DLG2: variants seen among roughly 807,000 people sequenced by gnomAD.
DLG2 encodes disks large homolog 2.
Under a neutral mutation model 132.5 loss-of-function variants are expected in DLG2, and 45 were observed. That is an observed-to-expected ratio of 0.34 (90% confidence interval 0.27 to 0.44). The LOEUF is 0.44. Among genes scored for constraint, DLG2 ranks in the 20% least tolerant of loss-of-function variants. The pLI is 1.00. For synonymous variants in DLG2, 424 were observed against 419.6 expected (o/e 1.01, Z -0.13); for missense variants, 1,045 against 1,196.9 (o/e 0.87, Z 1.87).
Position 83,581,948 on chromosome 11 carries a change from C to CTTTTTTTTT in DLG2, c.1941-40099_1941-40091dup, listed in dbSNP as rs71849863. Among the ~76,000 whole-genome samples the CTTTTTTTTT allele has an allele frequency of 2.0e-3, 107 of 52,642 alleles. 13 individuals are homozygous for CTTTTTTTTT. The highest frequency in any genetic ancestry group is 3.5e-3 in the Admixed American group (10 of 2,828). The allele number at this position is 52,642 out of a possible 152,430, so 34.5% of individuals were successfully genotyped here. On this transcript the variant is annotated intron_variant, in intron 19 of 27. Transcript: ENST00000376104. The stretch of plus-strand genomic sequence containing the variant: ...GAATTTAGAATTCTGAGTTTGGACT[C>CTTTTTTTTT]TTTTTTTTTTTTTTTTTTTTTTTTT...
At chr11:84,970,114 C>A (rs1050782139) in intron 6 of DLG2, among the ~76,000 whole-genome samples, 2 of 151,930 alleles carry the variant, frequency 1.3e-5, no homozygotes, top group Non-Finnish European at 2.9e-5. Flanking sequence ...CGTGTATACC[C>A]ATGTAACAAA....
chr11:85,282,929 C>G (rs1304978918), intron 4 of DLG2, among the ~76,000 whole-genome samples: 2 of 151,902 alleles, frequency 1.3e-5, no homozygotes, highest in South Asian at 2.1e-4. Context: ...AGATCATGCC[C>G]TTTGCAGGAA....
intron 11 of DLG2, among the ~76,000 whole-genome samples, chr11:84,018,342 A>T (rs1325346669): frequency 6.6e-6 from 1 of 152,010 alleles, no homozygotes; most frequent in African/African-American, 2.4e-5. Context: ...TTTCAAGATG[A>T]CAAGGAAACA....
chr11:84,944,889 C>T (rs2050000663), intron 6 of DLG2, among the ~76,000 whole-genome samples: 1 of 152,182 alleles, frequency 6.6e-6, no homozygotes, highest in Non-Finnish European at 1.5e-5. Context: ...CGGCGTGAGC[C>T]ATCGTGCCCG....
At chr11:84,579,221 GTCTT>G (rs1213134273) in intron 6 of DLG2, among the ~76,000 whole-genome samples, 1 of 151,572 alleles carries the variant, frequency 6.6e-6, no homozygotes, top group East Asian at 1.9e-4. Flanking sequence ...GTGTGTGTGT[GTCTT>G]TCTTTTCTAC....
intron 8 of DLG2, among the ~76,000 whole-genome samples, chr11:84,234,981 A>T (rs1490867510): frequency 6.6e-6 from 1 of 152,206 alleles, no homozygotes; most frequent in Admixed American, 6.5e-5. Flanking sequence ...AAACATTTAC[A>T]ATCTATTATT....
intron 6 of DLG2, among the ~76,000 whole-genome samples, chr11:85,093,275 A>G (rs2069122942): frequency 6.6e-6 from 1 of 151,238 alleles, no homozygotes; most frequent in Admixed American, 6.6e-5. Flanking sequence ...GGCAGAAGTC[A>G]TACACAATTC....
At chr11:85,509,126 G>A (rs1318410097) in intron 3 of DLG2, among the ~76,000 whole-genome samples, 4 of 151,902 alleles carry the variant, frequency 2.6e-5, no homozygotes, top group African/African-American at 7.3e-5. Context: ...AGAAAATTTC[G>A]CAGTGAGTTT....
intron 3 of DLG2, among the ~76,000 whole-genome samples, chr11:85,292,654 A>G (rs558522193): frequency 4.9e-4 from 18 of 36,546 alleles, no homozygotes; most frequent in South Asian, 1.2e-3. Flanking sequence ...GGAAGGAAGG[A>G]AGGGAGGGAG....
At chr11:83,663,823 G>C (rs902939735) in intron 18 of DLG2, among the ~76,000 whole-genome samples, 1 of 152,116 alleles carries the variant, frequency 6.6e-6, no homozygotes, top group Non-Finnish European at 1.5e-5. Context: ...AGTTGTCAAG[G>C]GCATTGTAAT....
At chr11:83,697,734 T>C (rs1025443774) in intron 18 of DLG2, among the ~76,000 whole-genome samples, 5 of 152,166 alleles carry the variant, frequency 3.3e-5, no homozygotes, top group African/African-American at 9.7e-5. Context: ...ATAAGGTATG[T>C]AAAAAGCTTT....
At chr11:84,905,360 C>A (rs1357463147) in intron 6 of DLG2, among the ~76,000 whole-genome samples, 1 of 152,144 alleles carries the variant, frequency 6.6e-6, no homozygotes, top group Admixed American at 6.5e-5. Flanking sequence ...AATGAAGTAT[C>A]CAATGCTTTC....
intron 17 of DLG2, among the ~76,000 whole-genome samples, chr11:83,806,634 C>T (rs990913080): frequency 6.6e-6 from 1 of 152,188 alleles, no homozygotes; most frequent in Non-Finnish European, 1.5e-5. Context: ...GCAGTCCCAG[C>T]CACTGTTTCA....
At chr11:84,347,056 C>T (rs764264799) in intron 7 of DLG2, among the ~76,000 whole-genome samples, 3 of 152,072 alleles carry the variant, frequency 2.0e-5, no homozygotes, top group African/African-American at 7.2e-5. Flanking sequence ...AGGTCACATA[C>T]AGCCATCTAA....
At chr11:84,190,496 T>C (rs1387487744) in intron 8 of DLG2, among the ~76,000 whole-genome samples, 5 of 152,142 alleles carry the variant, frequency 3.3e-5, no homozygotes, top group African/African-American at 1.2e-4. Context: ...AAAAGTCAAA[T>C]CAAAGAAGAA....
At chr11:83,800,058 C>A (rs769163566) in intron 17 of DLG2, among the ~76,000 whole-genome samples, 2 of 152,112 alleles carry the variant, frequency 1.3e-5, no homozygotes, top group African/African-American at 2.4e-5. Flanking sequence ...TATTGTTGAA[C>A]CCTCTCCTGA....
chr11:84,297,834 T>A (rs1448902713), intron 7 of DLG2, among the ~76,000 whole-genome samples: 1 of 152,080 alleles, frequency 6.6e-6, no homozygotes, highest in Non-Finnish European at 1.5e-5. Context: ...CTTCTTCTAT[T>A]ATAATAACTT....
At chr11:84,281,483 C>T (rs1839740167) in intron 7 of DLG2, among the ~76,000 whole-genome samples, 1 of 151,266 alleles carries the variant, frequency 6.6e-6, no homozygotes. Flanking sequence ...GGTACATGTG[C>T]ACAATGTGCA....
At chr11:83,645,348 A>T (rs967070954) in intron 18 of DLG2, among the ~76,000 whole-genome samples, 1 of 152,142 alleles carries the variant, frequency 6.6e-6, no homozygotes, top group Non-Finnish European at 1.5e-5. Flanking sequence ...ATACATCTTT[A>T]ACAGTTGAAG....
Sources: gnomAD v4.1 joint callset for allele counts (sites outside exome capture counted in the v4.1 genomes callset) on GRCh38, gnomAD v4.1.1 for gene constraint, MANE v1.5 for transcripts, NCBI Gene and HGNC (gene_info 2026-07-23, HGNC 2026-07-21) for gene names.